The following ADAT1 variants were observed in gnomAD, a reference collection of about 807,000 sequenced individuals.
ADAT1 encodes tRNA-specific adenosine deaminase 1.
In ADAT1, 58 loss-of-function variants were observed where a neutral mutation model predicts 58.6. The ratio of observed to expected loss-of-function variants is 0.99; its 90% CI spans 0.80 to 1.23. The LOEUF (loss-of-function observed/expected upper bound fraction) is 1.23, where lower values mean the gene tolerates loss of function less well. ADAT1 is among the 50% of genes most tolerant of loss of function. The pLI, the probability that ADAT1 is intolerant of heterozygous loss-of-function variation, is 0.00. For missense variants in ADAT1, 741 were observed against 608.6 expected (o/e 1.22, Z -2.29); for synonymous variants, 254 against 220.8 (o/e 1.15, Z -1.33).
chr16:75,617,914 C>T (rs1283021169), intron 4 of ADAT1, among the ~76,000 whole-genome samples: 1 of 127,118 alleles, frequency 7.9e-6, no homozygotes, highest in African/African-American at 3.9e-5. Flanking sequence ...TAGTGACACC[C>T]TGTCTTTAAA....
chr16:75,621,074 C>A (rs1001883417), intron 1 of ADAT1, among the ~76,000 whole-genome samples: 7 of 151,924 alleles, frequency 4.6e-5, no homozygotes, highest in African/African-American at 1.7e-4. Context: ...ATATCTGATA[C>A]ATTTCTAAGG....
chr16:75,618,950 T>C (rs558217836), intron 3 of ADAT1, among the ~76,000 whole-genome samples: 68 of 152,308 alleles, frequency 4.5e-4, no homozygotes, highest in African/African-American at 1.5e-3. Context: ...CCTCCCTCAG[T>C]TGTGACAACT....
chr16:75,608,285 C>T lies in ADAT1; in HGVS notation c.1228G>A (p.Val410Ile). 1.2e-6 allele frequency: 2 copies of T among 1,614,098 alleles called. No homozygotes were observed. Among genetic ancestry groups the T allele is most frequent in the South Asian group, 2.2e-5 (2 of 91,078 alleles). Residue 410 changes from valine (V) to isoleucine (I), a missense_variant, in exon 8 of 10, where the codon GTT (valine) becomes ATT (isoleucine). Physicochemically the swap from Val to Ile is conservative, Grantham distance 29. Coordinates refer to ENST00000564657, the MANE Select transcript of ADAT1 (RefSeq NM_001324445.2). Reference sequence around the variant, plus strand: ...CCCTGTGGAAAGCCATTGGCAGTAACATCCAAAGGCTGCTCAGGAACTGCA... The same window carrying T: ...CCCTGTGGAAAGCCATTGGCAGTAATATCCAAAGGCTGCTCAGGAACTGCA... ...WSAVPEQPLD[V>I]TANGFPQGTT...
intron 6 of ADAT1, 84 bp downstream of exon 6, chr16:75,612,159 T>A: frequency 7.1e-7 from 1 of 1,409,600 alleles, no homozygotes; most frequent in East Asian, 2.3e-5. Context: ...TCAAAAGGTA[T>A]GGAGATTCTT....
chr16:75,616,328 T>C (rs184675188), intron 5 of ADAT1, among the ~76,000 whole-genome samples: 148 of 152,252 alleles, frequency 9.7e-4, no homozygotes, highest in African/African-American at 3.3e-3. Context: ...TTAAGCTGTA[T>C]CTATATTTTC....
chr16:75,603,350 A>ACCTAATCTT (rs1413391688), intron 8 of ADAT1, among the ~76,000 whole-genome samples, 179 bp from the exon 9 acceptor site: 1 of 152,200 alleles, frequency 6.6e-6, no homozygotes, highest in East Asian at 1.9e-4. Context: ...TGAGGTATAA[A>ACCTAATCTT]AACGAGTCTA....
intron 2 of ADAT1, 114 bp from the exon 3 acceptor site, chr16:75,620,448 G>C (rs769595126): frequency 1.4e-6 from 2 of 1,431,292 alleles, no homozygotes; most frequent in Non-Finnish European, 2.0e-6. Flanking sequence ...ACTCAACCAA[G>C]GTCTGCGGTT....
At chr16:75,617,543 A>G (rs1373124577) in intron 4 of ADAT1, among the ~76,000 whole-genome samples, 1 of 152,044 alleles carries the variant, frequency 6.6e-6, no homozygotes, top group Non-Finnish European at 1.5e-5. Context: ...CTGAGGCAGG[A>G]AGACTGCTTA....
chr16:75,617,132 A>G lies in ADAT1; in HGVS notation c.424+10T>C. On this transcript the variant is annotated intron_variant, in intron 5 of 9. Coordinates refer to ENST00000564657, the MANE Select transcript of ADAT1 (RefSeq NM_001324445.2). ...ATGTAACATTAATCCAAAGGCTTGA[A>G]TATACTTACAGGGTGTATGGCTGGA... 6.2e-7 allele frequency: 1 copy of G among 1,605,330 alleles called. No individual in the cohort carries two copies. The highest frequency in any genetic ancestry group is 8.5e-7 in the Non-Finnish European group (1 of 1,173,210).
At chr16:75,613,988 G>A (rs928107349) in intron 5 of ADAT1, among the ~76,000 whole-genome samples, 7 of 151,900 alleles carry the variant, frequency 4.6e-5, no homozygotes, top group Non-Finnish European at 7.4e-5. Context: ...TGAGGAGTTC[G>A]AGACCAGCCT....
In ADAT1 at chr16:75,608,967, T is replaced by A. The variant is rs1490648457; in HGVS notation, c.1065A>T (p.Leu355Phe). 7 of 1,614,184 alleles carry A rather than the reference T, an allele frequency of 4.3e-6. No individual in the cohort carries two copies. The highest frequency in any genetic ancestry group is 5.9e-6 in the Non-Finnish European group (7 of 1,180,014). ...ATTCTTGAACTCCGAAGCCTTTTGGTAAAGCAGACACATTCTGACACCTAA... is the reference window on the plus strand; with the variant it reads ...ATTCTTGAACTCCGAAGCCTTTTGGAAAAGCAGACACATTCTGACACCTAA... ...LIGRCQNVSA[L>F]PKGFGVQELK... Residue 355 changes from leucine (L) to phenylalanine (F), a missense_variant, in exon 7 of 10, where the codon TTA becomes TTT. Coordinates refer to ENST00000564657, the MANE Select transcript of ADAT1 (RefSeq NM_001324445.2).
chr16:75,617,652 T>C (rs78380018), intron 4 of ADAT1, among the ~76,000 whole-genome samples: 1 of 150,876 alleles, frequency 6.6e-6, no homozygotes, highest in Non-Finnish European at 1.5e-5. Context: ...TTTTTTTTTT[T>C]AGAAAAATAA....
chr16:75,604,859 C>G (rs2081328557), intron 8 of ADAT1, among the ~76,000 whole-genome samples: 1 of 152,118 alleles, frequency 6.6e-6, no homozygotes, highest in Non-Finnish European at 1.5e-5. Context: ...ATAAAAGGAA[C>G]AGAAGGCTGG....
chr16:75,608,480 C>A, intron 7 of ADAT1, 157 bp from the exon 8 acceptor site: 1 of 634,258 alleles, frequency 1.6e-6, no homozygotes, highest in South Asian at 2.0e-5. Context: ...CTCCAGGGTA[C>A]AGTAGTCTAA....
In ADAT1 at chr16:75,608,222, ACCTTG is replaced by A. The variant is rs750470325; in HGVS notation, c.1286_1289+1del. 8 of 1,613,458 alleles carry A rather than the reference ACCTTG, an allele frequency of 5.0e-6. No individual in the cohort carries two copies. Among genetic ancestry groups the A allele is most frequent in the Non-Finnish European group, 6.8e-6 (8 of 1,179,618 alleles). On this transcript the variant is annotated splice_donor_variant and coding_sequence_variant, in exon 8 of 10. Transcript: ENST00000564657. LOFTEE classifies it high-confidence loss of function. The stretch of plus-strand genomic sequence containing the variant: ...ATCTCCTCCTGCCCCAATATGCTGT[ACCTTG>A]CCTGAAGGCTTCCAATTGTTTTCTT...
chr16:75,616,351 G>C (rs1299164962), intron 5 of ADAT1, among the ~76,000 whole-genome samples: 1 of 150,808 alleles, frequency 6.6e-6, no homozygotes, highest in African/African-American at 2.4e-5. Flanking sequence ...TTTGAGTTAT[G>C]ATCAAATCTA....
rs72789440 is a variant in ADAT1 at position 75,610,258 on chromosome 16, G to C, written c.1044-1270C>G. On this transcript the variant is annotated intron_variant, in intron 6 of 9. Coordinates refer to ENST00000564657, the MANE Select transcript of ADAT1 (RefSeq NM_001324445.2). ...TTTGTTTATTATGAATAATGCTGTT[G>C]TGAACATTTATGTACAGGTTTTTGT... Among the ~76,000 whole-genome samples, 854 of 150,776 alleles carry C rather than the reference G, an allele frequency of 5.7e-3. 5 individuals carry two copies. The highest frequency in any genetic ancestry group is 0.032 in the Middle Eastern group (9 of 284).
rs540065060 is a variant in ADAT1, at chr16:75,614,074, C to T, written c.425-1213G>A. Among the ~76,000 whole-genome samples the T allele has an allele frequency of 2.0e-4, 30 of 152,208 alleles. No homozygotes were observed. The East Asian group carries it at 5.6e-3, about 28-fold the overall frequency. ...GTGTGGTGGCGCGCACCTGTAGTCC[C>T]AGCTACTCGGGAGGCTAAGGCAGAA... On this transcript the variant is annotated intron_variant, in intron 5 of 9. Coordinates refer to ENST00000564657, the MANE Select transcript of ADAT1 (RefSeq NM_001324445.2).
chr16:75,620,558 C>T (rs1430342390), intron 2 of ADAT1, 73 bp downstream of exon 2: 4 of 1,553,790 alleles, frequency 2.6e-6, no homozygotes, highest in Middle Eastern at 2.3e-4. Flanking sequence ...CACGACTGTA[C>T]CCTCACAGTA....
Sources: gnomAD v4.1 joint callset for allele counts (sites outside exome capture counted in the v4.1 genomes callset) on GRCh38, gnomAD v4.1.1 for gene constraint, MANE v1.5 for transcripts, NCBI Gene and HGNC (gene_info 2026-07-23, HGNC 2026-07-21) for gene names.